RASA1: variants seen among roughly 807,000 people sequenced by gnomAD.
The protein encoded by RASA1 is ras GTPase-activating protein 1.
A neutral mutation model predicts 132.2 loss-of-function variants in RASA1; 25 were observed. That is an observed-to-expected ratio of 0.19 (90% CI 0.14 to 0.26). RASA1 has a LOEUF of 0.26. RASA1 is among the 10% of genes least tolerant of loss of function. The pLI, the probability that RASA1 is intolerant of heterozygous loss-of-function variation, is 1.00. For synonymous variants in RASA1, 477 were observed against 449.9 expected (o/e 1.06, Z -0.76); for missense variants, 964 against 1,299.2 (o/e 0.74, Z 3.97).
chr5:87,315,376 CT>C (rs1421716575), intron 1 of RASA1, among the ~76,000 whole-genome samples: 1 of 152,148 alleles, frequency 6.6e-6, no homozygotes, highest in Non-Finnish European at 1.5e-5. Context: ...CTCTCCTTCT[CT>C]TATAAAAACC....
chr5:87,274,338 C>A (rs1393256155), intron 1 of RASA1, among the ~76,000 whole-genome samples: 1 of 152,086 alleles, frequency 6.6e-6, no homozygotes, highest in African/African-American at 2.4e-5. Context: ...AAAATAAAAT[C>A]ATTCTTATTA....
chr5:87,368,204 T>C (rs543211568), intron 11 of RASA1, among the ~76,000 whole-genome samples: 10 of 152,294 alleles, frequency 6.6e-5, no homozygotes, highest in African/African-American at 2.4e-4. Flanking sequence ...CCAACCTATA[T>C]ATTTTCTTCT....
intron 18 of RASA1, 58 bp from the exon 19 acceptor site, chr5:87,379,677 A>G (rs1486420000): frequency 1.0e-5 from 16 of 1,592,904 alleles, no homozygotes; most frequent in Middle Eastern, 2.1e-4. Context: ...GTTTTCCTCT[A>G]TTCATTTGCA....
intron 12 of RASA1, 87 bp from the exon 13 acceptor site, chr5:87,372,031 T>C (rs1348981505): frequency 1.8e-5 from 19 of 1,057,544 alleles, no homozygotes; most frequent in Non-Finnish European, 2.5e-5. Flanking sequence ...GAAAAAATTG[T>C]TGAATTTGAA....
chr5:87,373,786 C>T (rs758567791), intron 13 of RASA1, among the ~76,000 whole-genome samples: 11 of 152,024 alleles, frequency 7.2e-5, no homozygotes, highest in South Asian at 2.1e-4. Flanking sequence ...ATATAACATA[C>T]GGGATTTTAA....
rs575334838 is a variant in RASA1, at chr5:87,285,108, G to A, written c.539+16118G>A. On this transcript the variant is annotated intron_variant, in intron 1 of 24. Transcript: ENST00000274376. ...TTTTGAGATGGAGTCTTGTTCTGTC[G>A]CCAGGCTGTAGTGCAGTGGTGTGAT... 1.6e-3 allele frequency among the ~76,000 whole-genome samples: 246 copies of A among 150,236 alleles called. 1 individual carries two copies. Among genetic ancestry groups the A allele is most frequent in the Middle Eastern group, 6.8e-3 (2 of 292 alleles).
At chr5:87,380,413 A>C (rs773582333) in intron 19 of RASA1, 96 bp from the exon 20 acceptor site, 2 of 1,115,616 alleles carry the variant, frequency 1.8e-6, no homozygotes, top group Non-Finnish European at 2.7e-6. Flanking sequence ...AGTTTTATTG[A>C]ACTGTGGTAT....
At chr5:87,302,605 A>G (rs1222156370) in intron 1 of RASA1, among the ~76,000 whole-genome samples, 3 of 151,272 alleles carry the variant, frequency 2.0e-5, no homozygotes, top group Non-Finnish European at 1.5e-5. Flanking sequence ...ACTATACTGT[A>G]TAGTATAGTA....
intron 15 of RASA1, 67 bp downstream of exon 15, chr5:87,374,983 GAA>G: frequency 6.5e-7 from 1 of 1,532,868 alleles, no homozygotes; most frequent in Non-Finnish European, 8.7e-7. Flanking sequence ...AATTCACAAT[GAA>G]AGTCTTAAAA....
chr5:87,369,629 CAT>C lies in RASA1; in HGVS notation c.1611-182_1611-181del, dbSNP rs377429588. Among the ~76,000 whole-genome samples, 33 of 152,078 alleles carry C rather than the reference CAT, an allele frequency of 2.2e-4. 1 individual carries two copies. The East Asian group carries it at 5.6e-3, about 26-fold the overall frequency. ...ACTGATAACATTTTAATAGTGCTGACATAAAGTTTTCTAAAATATATATAGCT... is the reference window on the plus strand; with the variant it reads ...ACTGATAACATTTTAATAGTGCTGACAAAGTTTTCTAAAATATATATAGCT... On this transcript the variant is annotated intron_variant, in intron 11 of 24. Transcript: ENST00000274376.
At chr5:87,289,899 G>A (rs1390760874) in intron 1 of RASA1, among the ~76,000 whole-genome samples, 3 of 151,878 alleles carry the variant, frequency 2.0e-5, no homozygotes, top group African/African-American at 7.2e-5. Context: ...ATGAGCCACC[G>A]TGCCTGGCTT....
intron 1 of RASA1, among the ~76,000 whole-genome samples, chr5:87,285,405 A>G (rs999319933): frequency 5.9e-5 from 9 of 151,900 alleles, no homozygotes; most frequent in African/African-American, 2.2e-4. Context: ...TGGAAATGGT[A>G]TTATCTTCCT....
intron 1 of RASA1, among the ~76,000 whole-genome samples, chr5:87,292,370 T>C (rs1754946711): frequency 6.7e-6 from 1 of 150,008 alleles, no homozygotes; most frequent in Non-Finnish European, 1.5e-5. Flanking sequence ...TTACATTCTT[T>C]TTTTTTTTTT....
intron 1 of RASA1, among the ~76,000 whole-genome samples, chr5:87,277,264 T>C (rs766659908): frequency 1.1e-4 from 16 of 152,202 alleles, no homozygotes; most frequent in Non-Finnish European, 1.9e-4. Context: ...AAACTTAACG[T>C]ACTTCAGGGC....
At chr5:87,365,440 A>G (rs768326484) in intron 11 of RASA1, among the ~76,000 whole-genome samples, 1 of 152,128 alleles carries the variant, frequency 6.6e-6, no homozygotes, top group Non-Finnish European at 1.5e-5. Flanking sequence ...CTTTATTCAC[A>G]GCTTCATTAT....
chr5:87,377,981 A>G (rs939333249), intron 17 of RASA1, among the ~76,000 whole-genome samples: 9 of 152,220 alleles, frequency 5.9e-5, no homozygotes, highest in African/African-American at 2.2e-4. Context: ...ATTTTAAGCT[A>G]ATAAATTAAT....
chr5:87,329,892 A>T (rs573979425), intron 1 of RASA1, among the ~76,000 whole-genome samples: 1 of 152,266 alleles, frequency 6.6e-6, no homozygotes, highest in East Asian at 1.9e-4. Flanking sequence ...CTTAGGGTTC[A>T]TTTACGATCT....
chr5:87,345,928 G>C (rs1758827170), intron 6 of RASA1, among the ~76,000 whole-genome samples: 1 of 151,970 alleles, frequency 6.6e-6, no homozygotes, highest in East Asian at 1.9e-4. Context: ...GTAAATAAGA[G>C]GTGATTTTAT....
At chr5:87,345,676 A>T (rs1294206995) in intron 6 of RASA1, among the ~76,000 whole-genome samples, 1 of 152,196 alleles carries the variant, frequency 6.6e-6, no homozygotes, top group Non-Finnish European at 1.5e-5. Flanking sequence ...TTATATTTTC[A>T]TACTTCACCA....
Sources: allele counts gnomAD v4.1 joint callset (sites outside exome capture counted in the v4.1 genomes callset), GRCh38; gene constraint gnomAD v4.1.1; transcripts MANE v1.5; gene names NCBI Gene and HGNC (gene_info 2026-07-23, HGNC 2026-07-21).